GRK4: variants seen among roughly 807,000 people sequenced by gnomAD.
GRK4 encodes G protein-coupled receptor kinase 4.
GRK4 carries 73 observed loss-of-function variants against 77.9 expected under a neutral mutation model. That is an observed-to-expected ratio of 0.94 (90% CI 0.78 to 1.14). GRK4 has a LOEUF of 1.14. Among genes scored for constraint, GRK4 ranks in the 50% most tolerant of loss-of-function variants. GRK4 has a pLI of 0.00. For missense variants in GRK4, 729 were observed against 700.2 expected, an observed-to-expected ratio of 1.04 and a Z score of -0.46; for synonymous variants, 257 against 254.4, an observed-to-expected ratio of 1.01 and a Z score of -0.10.
rs1007577459 is a variant in GRK4, at chr4:3,001,372, T to A, written c.340-2859T>A. ...ACACACACATATATATATATATATT[T>A]TTTTTTTTTTTGAGATGGAGTTTCG... On this transcript the variant is annotated intron_variant, in intron 4 of 15. Transcript: ENST00000398052. 6.4e-3 allele frequency among the ~76,000 whole-genome samples: 732 copies of A among 114,380 alleles called. 14 individuals carry two copies. The highest frequency in any genetic ancestry group is 0.016 in the Middle Eastern group (3 of 186). 75.0% of individuals were successfully genotyped at this position (114,380 alleles called of 152,430 possible). A position where few individuals can be genotyped will look rare whatever the true frequency, so the allele number is the denominator to read the frequency against.
intron 1 of GRK4, among the ~76,000 whole-genome samples, chr4:2,976,929 G>A (rs1413243094): frequency 1.3e-5 from 2 of 152,148 alleles, no homozygotes; most frequent in Admixed American, 6.5e-5. Context: ...GCGAGCCACC[G>A]CACCCGGCCG....
Position 2,964,027 on chromosome 4 carries a change from C to G in GRK4, c.-44C>G, listed in dbSNP as rs1255221396. The G allele has an allele frequency of 6.3e-7, 1 of 1,586,472 alleles. No homozygotes were observed. Among genetic ancestry groups the G allele is most frequent in the Non-Finnish European group, 8.6e-7 (1 of 1,162,932 alleles). ...TCTCCTCCTGTTCCGCCTCCTCAGT[C>G]TCCTCGGTCTCGCAGAATCCGCCGG... On this transcript the variant is annotated 5_prime_UTR_variant, in exon 1 of 16. Coordinates refer to ENST00000398052, the MANE Select transcript of GRK4 (RefSeq NM_182982.3).
At chr4:2,990,696 G>C (rs894725510) in intron 3 of GRK4, among the ~76,000 whole-genome samples, 2 of 152,140 alleles carry the variant, frequency 1.3e-5, no homozygotes, top group Non-Finnish European at 2.9e-5. Flanking sequence ...GGGACCTACT[G>C]TTCTTCCTTA....
intron 15 of GRK4, chr4:3,038,997 C>T (rs962018359): frequency 1.3e-5 from 2 of 153,936 alleles, no homozygotes; most frequent in Admixed American, 6.4e-5. Flanking sequence ...AGGTGGATCA[C>T]CTGAGGTCAG....
chr4:3,006,651 G>A (rs1199575784), intron 5 of GRK4, among the ~76,000 whole-genome samples: 2 of 152,144 alleles, frequency 1.3e-5, no homozygotes, highest in African/African-American at 4.8e-5. Context: ...GTACATGCCT[G>A]TAGTCCCAGC....
At chr4:3,003,913 G>A (rs567855831) in intron 4 of GRK4, among the ~76,000 whole-genome samples, 44 of 152,136 alleles carry the variant, frequency 2.9e-4, no homozygotes, top group African/African-American at 1.0e-3. Flanking sequence ...TAGTAGAGAC[G>A]GAGTTTCACC....
At chr4:3,011,853 A>C (rs6846128) in intron 7 of GRK4, among the ~76,000 whole-genome samples, 4 of 152,296 alleles carry the variant, frequency 2.6e-5, no homozygotes, top group African/African-American at 9.6e-5. Context: ...CTGAGTGAGC[A>C]CAATGGTAAA....
At chr4:2,985,476 C>T (rs1724037331) in intron 2 of GRK4, among the ~76,000 whole-genome samples, 2 of 150,960 alleles carry the variant, frequency 1.3e-5, no homozygotes, top group African/African-American at 4.9e-5. Context: ...GAGGCTGAGG[C>T]AGGAGGATCC....
Position 2,992,242 on chromosome 4 carries a change from G to C in GRK4, c.289G>C (p.Asp97His), listed in dbSNP as rs2109680088. Reference protein sequence around the residue: ...VAEYEVADDEDRSDCGLSILD... With the variant: ...VAEYEVADDEHRSDCGLSILD... ...AGAATATGAAGTTGCCGATGATGAG[G>C]ACCGAAGTGATTGTGGACTGTCAAT... Residue 97 changes from aspartate to histidine, a missense_variant, in exon 4 of 16, where the codon GAC becomes CAC. Coordinates refer to ENST00000398052, the MANE Select transcript of GRK4 (RefSeq NM_182982.3). 6.2e-7 allele frequency: 1 copy of C among 1,610,818 alleles called. No homozygotes were observed. Among genetic ancestry groups the C allele is most frequent in the Non-Finnish European group, 8.5e-7 (1 of 1,177,264 alleles).
chr4:2,992,418 G>A (rs1001953779), intron 4 of GRK4, 126 bp downstream of exon 4: 5 of 593,800 alleles, frequency 8.4e-6, no homozygotes, highest in Non-Finnish European at 1.5e-5. Context: ...GATGCCTGAC[G>A]CCTGTAATCC....
chr4:3,040,061 C>T (rs1041365148), intron 15 of GRK4, among the ~76,000 whole-genome samples: 22 of 152,212 alleles, frequency 1.4e-4, no homozygotes, highest in African/African-American at 5.3e-4. Flanking sequence ...TTACCTGCTG[C>T]ATTTCCTATG....
chr4:3,009,217 T>C (rs1007850557), intron 6 of GRK4, among the ~76,000 whole-genome samples: 1 of 151,926 alleles, frequency 6.6e-6, no homozygotes, highest in African/African-American at 2.4e-5. Flanking sequence ...GGTCAGGAGT[T>C]CGAGACCAGC....
At chr4:3,032,389 A>G (rs1739419692) in intron 12 of GRK4, among the ~76,000 whole-genome samples, 1 of 152,046 alleles carries the variant, frequency 6.6e-6, no homozygotes, top group Non-Finnish European at 1.5e-5. Flanking sequence ...GTGCCACTGC[A>G]CTCCAGCCTG....
chr4:2,999,041 G>C (rs570375908), intron 4 of GRK4, among the ~76,000 whole-genome samples: 1 of 152,140 alleles, frequency 6.6e-6, no homozygotes, highest in Non-Finnish European at 1.5e-5. Context: ...GTATGGAATC[G>C]AGAGTGCAGA....
intron 3 of GRK4, among the ~76,000 whole-genome samples, chr4:2,989,969 C>T (rs1725624539): frequency 6.6e-6 from 1 of 152,070 alleles, no homozygotes; most frequent in African/African-American, 2.4e-5. Context: ...ATGATCCTTC[C>T]TCTCTCTGCT....
intron 4 of GRK4, among the ~76,000 whole-genome samples, chr4:2,998,079 C>T (rs1459926040): frequency 1.3e-5 from 2 of 152,018 alleles, no homozygotes; most frequent in Non-Finnish European, 2.9e-5. Context: ...AGGTATTCAC[C>T]AGGCGCAGTG....
intron 13 of GRK4, among the ~76,000 whole-genome samples, chr4:3,036,506 G>A (rs1388936723): frequency 6.6e-6 from 1 of 152,246 alleles, no homozygotes; most frequent in Non-Finnish European, 1.5e-5. Context: ...TCAGGACTGC[G>A]GGTGCCTCCG....
chr4:2,986,381 A>G (rs1470123907), intron 2 of GRK4, among the ~76,000 whole-genome samples: 2 of 113,714 alleles, frequency 1.8e-5, no homozygotes, highest in Non-Finnish European at 3.4e-5. Flanking sequence ...TTTTTGAGAC[A>G]GAGTCTCGCT....
rs148787883 is a variant in GRK4, at chr4:3,029,406, G to A, written c.1266G>A (p.Arg422=). ...KFSEDAKSIC[R]MLLTKNPSKR... ...CAGAGGATGCCAAATCTATCTGCAG[G>A]ATGGTAAGTCAGGCTCTGTAGAGGC... The change falls in exon 12 of 16, where the codon AGG becomes AGA. Residue 422 remains arginine, a synonymous_variant. Transcript: ENST00000398052. 1 of 1,612,602 alleles carries A rather than the reference G, an allele frequency of 6.2e-7. No homozygotes were observed. The highest frequency in any genetic ancestry group is 2.2e-5 in the East Asian group (1 of 44,884).
Sources: allele counts gnomAD v4.1 joint callset (sites outside exome capture counted in the v4.1 genomes callset), GRCh38; gene constraint gnomAD v4.1.1; transcripts MANE v1.5; gene names NCBI Gene and HGNC (gene_info 2026-07-23, HGNC 2026-07-21).